The following RDX variants were observed in gnomAD, a reference collection of about 807,000 sequenced individuals.
RDX encodes the protein deafness, autosomal recessive 24.
Under a neutral mutation model 83.7 loss-of-function variants are expected in RDX, and 32 were observed. The observed-to-expected ratio is 0.38, with a 90% CI of 0.29 to 0.51. RDX has a LOEUF of 0.51. Ranked by LOEUF, RDX falls within the 20% of genes least tolerant of loss-of-function variation. The probability of loss-of-function intolerance (pLI) is 0.87; values close to 1 mark genes in which losing one functional copy is unlikely to be tolerated. For synonymous variants in RDX, 229 were observed against 222.7 expected (o/e 1.03, Z -0.25); for missense variants, 600 against 689.9 (o/e 0.87, Z 1.46).
At chr11:110,229,180 A>G (rs1259218270), downstream of RDX, among the ~76,000 whole-genome samples, 1 of 151,984 alleles carries the variant, frequency 6.6e-6, no homozygotes, top group Non-Finnish European at 1.5e-5. Context: ...ACCACTATAC[A>G]ATAAAGGCAA....
intron 14 of RDX, among the ~76,000 whole-genome samples, chr11:110,203,117 A>T (rs897800945): frequency 6.6e-6 from 1 of 152,216 alleles, no homozygotes; most frequent in Non-Finnish European, 1.5e-5. Flanking sequence ...CTAAGTGTCC[A>T]TCAACAGATG....
At chr11:110,218,054 T>C (rs1355912298) in intron 14 of RDX, among the ~76,000 whole-genome samples, 5 of 152,206 alleles carry the variant, frequency 3.3e-5, no homozygotes, top group South Asian at 4.1e-4. Flanking sequence ...CTATTTACTA[T>C]AGATGGCAAA....
chr11:110,256,969 G>C (rs1425649005), intron 7 of RDX, among the ~76,000 whole-genome samples: 3 of 152,020 alleles, frequency 2.0e-5, no homozygotes, highest in Middle Eastern at 3.4e-3. Flanking sequence ...TTAGGAAAAG[G>C]CATTAATTAC....
chr11:110,217,260 G>A (rs1864088115), intron 14 of RDX, among the ~76,000 whole-genome samples: 1 of 152,248 alleles, frequency 6.6e-6, no homozygotes, highest in African/African-American at 2.4e-5. Context: ...TGTTTTTACA[G>A]GTCGGGGATG....
At chr11:110,262,242 G>GT (rs758739061) in intron 5 of RDX, among the ~76,000 whole-genome samples, 19 of 152,032 alleles carry the variant, frequency 1.2e-4, no homozygotes, top group Non-Finnish European at 2.2e-4. Flanking sequence ...CTTTTCCAAG[G>GT]TGACTACTAT....
chr11:110,214,874 G>A lies in RDX; in HGVS notation c.1749-15196C>T, dbSNP rs1863975789. Among the ~76,000 whole-genome samples the A allele has an allele frequency of 2.0e-5, 3 of 147,182 alleles. No individual in the cohort carries two copies. In the South Asian group the frequency reaches 6.6e-4, roughly 33 times the overall value. On this transcript the variant is annotated intron_variant, in intron 14 of 15. Coordinates refer to the RDX transcript ENST00000528498. ...GGGGAGGGGGCAGGGATAGCATCGG[G>A]AGATATACCTAATGCTAGATGACAA...
intron 11 of RDX, 57 bp from the exon 12 acceptor site, chr11:110,236,248 A>C: frequency 7.4e-7 from 1 of 1,354,340 alleles, no homozygotes; most frequent in Non-Finnish European, 1.0e-6. Context: ...TAATCTTATA[A>C]GTCAACAAAG....
intron 5 of RDX, chr11:110,263,226 C>T (rs1859872506): frequency 6.6e-6 from 1 of 151,350 alleles, no homozygotes; most frequent in African/African-American, 2.4e-5. Context: ...TCTCAGCGAG[C>T]TGAGATTGCA....
intron 14 of RDX, among the ~76,000 whole-genome samples, chr11:110,220,246 A>C (rs1864198215): frequency 6.6e-6 from 1 of 152,224 alleles, no homozygotes; most frequent in African/African-American, 2.4e-5. Context: ...ATAATACAAA[A>C]GGATGAAAAC....
chr11:110,263,842 T>C, intron 5 of RDX, 118 bp downstream of exon 5: 2 of 873,560 alleles, frequency 2.3e-6, no homozygotes, highest in South Asian at 3.3e-5. Context: ...CACTCCAGCA[T>C]GGGTGACAGG....
chr11:110,207,234 A>T (rs939904689), intron 14 of RDX, among the ~76,000 whole-genome samples: 12 of 152,182 alleles, frequency 7.9e-5, no homozygotes, highest in African/African-American at 2.9e-4. Flanking sequence ...TCAGCCTTCC[A>T]ACATGCTGGG....
intron 1 of RDX, among the ~76,000 whole-genome samples, chr11:110,293,346 A>C (rs1432591723): frequency 6.6e-6 from 1 of 152,108 alleles, no homozygotes; most frequent in Non-Finnish European, 1.5e-5. Flanking sequence ...CATTTTTCTG[A>C]GTTTTTAAAC....
intron 9 of RDX, among the ~76,000 whole-genome samples, chr11:110,253,384 G>A (rs1474074980): frequency 5.3e-5 from 8 of 152,152 alleles, no homozygotes; most frequent in Admixed American, 3.3e-4. Context: ...TAATGTCACT[G>A]GACCCAGTAA....
At chr11:110,226,327 C>G (rs1363668750), downstream of RDX, among the ~76,000 whole-genome samples, 1 of 152,080 alleles carries the variant, frequency 6.6e-6, no homozygotes, top group African/African-American at 2.4e-5. Context: ...ATACATACCA[C>G]AAAATAAATG....
intron 10 of RDX, among the ~76,000 whole-genome samples, chr11:110,240,844 C>T (rs1865064802): frequency 6.6e-6 from 1 of 150,850 alleles, no homozygotes; most frequent in Non-Finnish European, 1.5e-5. Flanking sequence ...CACCTCAGGT[C>T]AGGAGTTCGA....
At chr11:110,272,423 C>T (rs1327835243) in intron 3 of RDX, 113 bp downstream of exon 3, 2 of 741,278 alleles carry the variant, frequency 2.7e-6, no homozygotes, top group Non-Finnish European at 4.8e-6. Context: ...ATGAAAAATT[C>T]CAAGTGGTAC....
rs1277839686 is a variant in RDX at position 110,260,055 on chromosome 11, C to T, written c.468-1866G>A. The stretch of plus-strand genomic sequence containing the variant: ...AGGCTGGAGTGCAATGGCATGATCT[C>T]GGCTCACTGCAAACTCCACCTCCCG... On this transcript the variant is annotated intron_variant, in intron 5 of 13. Transcript: ENST00000645495. Among the ~76,000 whole-genome samples the T allele has an allele frequency of 4.0e-5, 6 of 151,164 alleles. No individual in the cohort carries two copies. In the South Asian group the frequency reaches 1.1e-3, roughly 27 times the overall value.
rs555830597 is a variant in RDX at position 110,291,757 on chromosome 11, G to A, written c.-65+4710C>T. On this transcript the variant is annotated intron_variant, in intron 1 of 13. Transcript: ENST00000645495. ...TGAAGTTAATAGGGAAAATCACAGG[G>A]AAGAGAGTTGGAAAGAGAAGGAGTC... Among the ~76,000 whole-genome samples, 7 of 152,284 alleles carry A rather than the reference G, an allele frequency of 4.6e-5. No homozygotes were observed. The South Asian group carries it at 1.0e-3, about 23-fold the overall frequency.
downstream of RDX, among the ~76,000 whole-genome samples, chr11:110,229,072 A>C (rs916308506): frequency 2.6e-5 from 4 of 152,010 alleles, no homozygotes; most frequent in African/African-American, 9.7e-5. Flanking sequence ...TACTTACATA[A>C]ATATACTTAG....
Sources: allele counts gnomAD v4.1 joint callset (sites outside exome capture counted in the v4.1 genomes callset), GRCh38; gene constraint gnomAD v4.1.1; transcripts MANE v1.5; gene names NCBI Gene and HGNC (gene_info 2026-07-23, HGNC 2026-07-21).